TRERF1: variants seen among roughly 807,000 people sequenced by gnomAD.
TRERF1 encodes transcriptional-regulating factor 1.
A neutral mutation model predicts 122.9 loss-of-function variants in TRERF1; 27 were observed. The ratio of observed to expected loss-of-function variants is 0.22; its 90% confidence interval spans 0.16 to 0.30. TRERF1 has a LOEUF of 0.30. Ranked by LOEUF, TRERF1 falls within the 10% of genes least tolerant of loss-of-function variation. The pLI is 1.00. For synonymous variants in TRERF1, 636 were observed against 641.7 expected, an observed-to-expected ratio of 0.99 and a Z score of 0.13; for missense variants, 1,248 against 1,560.3, an observed-to-expected ratio of 0.80 and a Z score of 3.37.
chr6:42,437,636 C>T (rs1460309511), intron 2 of TRERF1, among the ~76,000 whole-genome samples: 2 of 152,088 alleles, frequency 1.3e-5, no homozygotes, highest in Non-Finnish European at 2.9e-5. Flanking sequence ...TCAAGTCATG[C>T]TGTCTGGTAA....
rs531296121 is a variant in TRERF1, at chr6:42,266,236, TG to T, written c.1438-440del. Among the ~76,000 whole-genome samples, 390 of 149,588 alleles carry T rather than the reference TG, an allele frequency of 2.6e-3. 2 individuals are homozygous for T. The highest frequency in any genetic ancestry group is 8.6e-3 in the African/African-American group (349 of 40,734). ...CAGGGTCTTGCTCTGTCACCCAGGCTGTAGTGCAGTAGCATGATCATGGCTC... is the reference window on the plus strand; with the variant it reads ...CAGGGTCTTGCTCTGTCACCCAGGCTTAGTGCAGTAGCATGATCATGGCTC... On this transcript the variant is annotated intron_variant, in intron 5 of 17. Transcript: ENST00000372922.
rs146520131 is a variant in TRERF1 at position 42,434,964 on chromosome 6, C to T, written c.-454+16213G>A. On this transcript the variant is annotated intron_variant, in intron 2 of 17. Coordinates refer to ENST00000372922, the Ensembl canonical transcript of TRERF1. The stretch of plus-strand genomic sequence containing the variant: ...CCAACATGGTGAAACCCCGTCTCAA[C>T]TAAAACTACAAAAAAGTTAGCTGGG... Among the ~76,000 whole-genome samples the T allele has an allele frequency of 2.6e-3, 402 of 152,128 alleles. 5 individuals are homozygous for T. The highest frequency in any genetic ancestry group is 7.4e-3 in the African/African-American group (305 of 41,494).
intron 2 of TRERF1, among the ~76,000 whole-genome samples, chr6:42,406,550 A>ACCTTGG (rs1780208441): frequency 6.6e-6 from 1 of 152,186 alleles, no homozygotes; most frequent in African/African-American, 2.4e-5. Flanking sequence ...CCAATGAGTT[A>ACCTTGG]ACAGACCTGG....
rs935467066 is a variant in TRERF1 at position 42,443,413 on chromosome 6, G to A, written c.-454+7764C>T. 4.7e-4 allele frequency among the ~76,000 whole-genome samples: 71 copies of A among 152,210 alleles called. 1 individual carries two copies. Among genetic ancestry groups the A allele is most frequent in the Non-Finnish European group, 1.5e-5 (1 of 68,044 alleles). On this transcript the variant is annotated intron_variant, in intron 2 of 17. Coordinates refer to ENST00000372922, the Ensembl canonical transcript of TRERF1. ...TTTTAAAATGAGAATTGACTTTCCA[G>A]CATACACAGTAAGACTAAGGGCTAA...
At chr6:42,272,334 G>C (rs1407230272) in intron 4 of TRERF1, among the ~76,000 whole-genome samples, 1 of 152,162 alleles carries the variant, frequency 6.6e-6, no homozygotes, top group Non-Finnish European at 1.5e-5. Context: ...TGGAGTGAAG[G>C]GTGGAGGAAG....
At chr6:42,320,018 C>A (rs1306821653) in intron 3 of TRERF1, among the ~76,000 whole-genome samples, 1 of 151,786 alleles carries the variant, frequency 6.6e-6, no homozygotes, top group East Asian at 1.9e-4. Context: ...TCTTCTGCTT[C>A]AGCCTCCCGA....
chr6:42,243,423 A>G, intron 14 of TRERF1, 62 bp from the exon 15 acceptor site: 1 of 1,136,924 alleles, frequency 8.8e-7, no homozygotes, highest in Non-Finnish European at 1.3e-6. Flanking sequence ...GGTAGCAAGC[A>G]TTTTTGAATA....
intron 3 of TRERF1, among the ~76,000 whole-genome samples, chr6:42,351,523 T>C (rs1241350877): frequency 6.6e-6 from 1 of 152,230 alleles, no homozygotes. Flanking sequence ...GATGGTTCTA[T>C]TTTGTGAAGA....
At chr6:42,311,765 C>CAAAA (rs10530333) in intron 3 of TRERF1, among the ~76,000 whole-genome samples, 2 of 34,586 alleles carry the variant, frequency 5.8e-5, no homozygotes, top group Non-Finnish European at 1.4e-4. Flanking sequence ...GACTCCGTCT[C>CAAAA]AAAAAAAAAA....
intron 4 of TRERF1, among the ~76,000 whole-genome samples, chr6:42,289,694 G>C (rs376784458): frequency 6.6e-6 from 1 of 152,202 alleles, no homozygotes; most frequent in Non-Finnish European, 1.5e-5. Context: ...ATGCTCATCT[G>C]TAAAAGCAGC....
chr6:42,364,669 G>C (rs1333039403), intron 2 of TRERF1, among the ~76,000 whole-genome samples: 1 of 152,248 alleles, frequency 6.6e-6, no homozygotes. Flanking sequence ...ACCTTAGAGA[G>C]GGCAGCCCCT....
At chr6:42,359,482 T>C (rs907953884) in intron 3 of TRERF1, among the ~76,000 whole-genome samples, 1 of 152,100 alleles carries the variant, frequency 6.6e-6, no homozygotes, top group African/African-American at 2.4e-5. Flanking sequence ...TCCCAGCACT[T>C]TGGGAGGCTG....
At chr6:42,407,833 G>C (rs1239533132) in intron 2 of TRERF1, among the ~76,000 whole-genome samples, 1 of 151,020 alleles carries the variant, frequency 6.6e-6, no homozygotes, top group Non-Finnish European at 1.5e-5. Flanking sequence ...ATGGACGTGT[G>C]CGCACAGATA....
intron 2 of TRERF1, among the ~76,000 whole-genome samples, chr6:42,420,640 T>C (rs188401630): frequency 6.6e-6 from 1 of 152,358 alleles, no homozygotes. Context: ...AAATGTACAT[T>C]TGTTACAGAA....
intron 3 of TRERF1, among the ~76,000 whole-genome samples, chr6:42,308,242 T>A (rs1160531381): frequency 6.6e-6 from 1 of 152,192 alleles, no homozygotes; most frequent in Non-Finnish European, 1.5e-5. Context: ...GATGAGTGGA[T>A]AAACAAATGT....
At chr6:42,345,954 C>T (rs971329441) in intron 3 of TRERF1, among the ~76,000 whole-genome samples, 13 of 152,230 alleles carry the variant, frequency 8.5e-5, no homozygotes, top group Non-Finnish European at 1.3e-4. Flanking sequence ...CCAGCATGGG[C>T]AGGTGCTATG....
At chr6:42,412,419 G>A (rs1781250146) in intron 2 of TRERF1, among the ~76,000 whole-genome samples, 1 of 152,256 alleles carries the variant, frequency 6.6e-6, no homozygotes, top group South Asian at 2.1e-4. Context: ...TAAATCAGGG[G>A]TCCTATGTAT....
In TRERF1 at chr6:42,247,349, T is replaced by C. The variant is rs149657078; in HGVS notation, c.2657-805A>G. Among the ~76,000 whole-genome samples the C allele has an allele frequency of 4.0e-3, 604 of 152,346 alleles. 3 individuals are homozygous for C. Among genetic ancestry groups the C allele is most frequent in the African/African-American group, 0.014 (562 of 41,576 alleles). ...AAGATGCTGTACTAGGAAAAATAGC[T>C]TAACATTTCTAAGTGCTTACTAAGT... On this transcript the variant is annotated intron_variant, in intron 13 of 17. Coordinates refer to ENST00000372922, the Ensembl canonical transcript of TRERF1.
At chr6:42,321,588 T>G (rs1763471253) in intron 3 of TRERF1, among the ~76,000 whole-genome samples, 1 of 152,116 alleles carries the variant, frequency 6.6e-6, no homozygotes, top group Non-Finnish European at 1.5e-5. Context: ...AGTAAGTAAA[T>G]AAATGAGCAA....
Sources: allele counts gnomAD v4.1 joint callset (sites outside exome capture counted in the v4.1 genomes callset), GRCh38; gene constraint gnomAD v4.1.1; transcripts MANE v1.5; gene names NCBI Gene and HGNC (gene_info 2026-07-23, HGNC 2026-07-21).